The following NECAB1 variants were observed in gnomAD, a reference collection of about 807,000 sequenced individuals.
NECAB1 encodes the protein N-terminal EF-hand calcium binding protein 1, also known as N-terminal EF-hand calcium-binding protein 1.
Under a neutral mutation model 57.5 loss-of-function variants are expected in NECAB1, and 29 were observed. The ratio of observed to expected loss-of-function variants is 0.50; its 90% CI spans 0.38 to 0.69. The LOEUF (loss-of-function observed/expected upper bound fraction) is 0.69. Among genes scored for constraint, NECAB1 ranks in the 30% least tolerant of loss-of-function variants. The probability of loss-of-function intolerance (pLI) is 0.00; values close to 1 mark genes in which losing one functional copy is unlikely to be tolerated. For missense variants in NECAB1, 372 were observed against 413.8 expected, an observed-to-expected ratio of 0.90 and a Z score of 0.88; for synonymous variants, 142 against 147.7, an observed-to-expected ratio of 0.96 and a Z score of 0.28.
At chr8:90,870,673 G>C (rs375378677) in intron 3 of NECAB1, among the ~76,000 whole-genome samples, 2 of 151,996 alleles carry the variant, frequency 1.3e-5, no homozygotes, top group East Asian at 1.9e-4. Flanking sequence ...TATTTCCCTC[G>C]TAACAACTAT....
At chr8:90,855,568 T>C (rs1204736369) in intron 3 of NECAB1, among the ~76,000 whole-genome samples, 1 of 152,244 alleles carries the variant, frequency 6.6e-6, no homozygotes, top group African/African-American at 2.4e-5. Context: ...TAGTGAATTA[T>C]CCTTCCATCT....
At chr8:90,846,767 A>G (rs893883777) in intron 3 of NECAB1, among the ~76,000 whole-genome samples, 4 of 152,350 alleles carry the variant, frequency 2.6e-5, no homozygotes, top group East Asian at 3.9e-4. Context: ...AAGCATGTGC[A>G]GGGGAACTCC....
intron 3 of NECAB1, among the ~76,000 whole-genome samples, chr8:90,841,641 G>A (rs982932266): frequency 1.3e-5 from 2 of 152,094 alleles, no homozygotes; most frequent in African/African-American, 4.8e-5. Flanking sequence ...CTCCTCCTTA[G>A]GGTTTACTTC....
Position 90,872,115 on chromosome 8 carries a change from T to C in NECAB1, c.234-13T>C. ...AAGTAATAACACTGTTTTTTTTTGT[T>C]TCATCTTTTCAGTAATCTTGACACA... On this transcript the variant is annotated splice_polypyrimidine_tract_variant and intron_variant, in intron 3 of 12. Transcript: ENST00000417640. The C allele has an allele frequency of 6.5e-7, 1 of 1,543,790 alleles. No individual in the cohort carries two copies. The highest frequency in any genetic ancestry group is 1.2e-5 in the South Asian group (1 of 81,712).
intron 3 of NECAB1, among the ~76,000 whole-genome samples, chr8:90,836,586 T>G (rs921702701): frequency 6.6e-6 from 1 of 152,194 alleles, no homozygotes; most frequent in African/African-American, 2.4e-5. Context: ...CCATCCTCAT[T>G]GCTGTCAGAT....
In NECAB1 at chr8:90,804,361, G is replaced by A. The variant is rs78171080; in HGVS notation, c.124+2646G>A. On this transcript the variant is annotated intron_variant, in intron 2 of 12. Transcript: ENST00000417640. ...GGGGTAGAATGGTGGCTACAGAGGC[G>A]GGGGAGTGAAAGGAGTAGGGAGGTA... 1.3e-4 allele frequency among the ~76,000 whole-genome samples: 20 copies of A among 151,752 alleles called. No homozygotes were observed. The East Asian group carries it at 3.3e-3, about 25-fold the overall frequency.
chr8:90,809,838 G>A (rs924761828), intron 2 of NECAB1, among the ~76,000 whole-genome samples: 3 of 152,086 alleles, frequency 2.0e-5, no homozygotes, highest in East Asian at 1.9e-4. Context: ...ACTGAAAAAT[G>A]TAATAGCCTC....
intron 3 of NECAB1, among the ~76,000 whole-genome samples, chr8:90,871,885 T>G (rs141616458): frequency 5.3e-5 from 8 of 152,234 alleles, no homozygotes; most frequent in African/African-American, 1.9e-4. Context: ...TGCATTCTTT[T>G]CCCCATCATG....
Position 90,906,885 on chromosome 8 carries a change from A to ATGTG in NECAB1, c.358-10606_358-10605insGTGT, listed in dbSNP as rs1563528221. Among the ~76,000 whole-genome samples, 838 of 120,900 alleles carry ATGTG rather than the reference A, an allele frequency of 6.9e-3. 25 individuals carry two copies. The highest frequency in any genetic ancestry group is 0.027 in the African/African-American group (767 of 28,474). 79.3% of individuals were successfully genotyped at this position (120,900 alleles called of 152,430 possible). The stretch of plus-strand genomic sequence containing the variant: ...TTACATATGATATACACATATATAT[A>ATGTG]TATATATATATATATATATATATAT... On this transcript the variant is annotated intron_variant, in intron 5 of 12. Transcript: ENST00000417640.
chr8:90,806,856 A>T (rs1180309897), intron 2 of NECAB1: 1 of 152,188 alleles, frequency 6.6e-6, no homozygotes, highest in African/African-American at 2.4e-5. Context: ...AGCTATTTTT[A>T]TTATTTTCCC....
At chr8:90,870,629 A>C (rs776161244) in intron 3 of NECAB1, among the ~76,000 whole-genome samples, 32 of 152,340 alleles carry the variant, frequency 2.1e-4, no homozygotes, top group African/African-American at 7.7e-4. Context: ...TTTATCTTCT[A>C]TGATATATTT....
intron 3 of NECAB1, among the ~76,000 whole-genome samples, chr8:90,832,800 G>A (rs764697196): frequency 3.6e-4 from 54 of 152,056 alleles, no homozygotes; most frequent in Admixed American, 2.8e-3. Context: ...TAAGGGTCTG[G>A]GGTTTTCTCA....
intron 1 of NECAB1, among the ~76,000 whole-genome samples, chr8:90,799,376 C>A (rs887716342): frequency 6.6e-6 from 1 of 151,972 alleles, no homozygotes; most frequent in African/African-American, 2.4e-5. Context: ...TTCTCAAGGC[C>A]AATTTTTTCT....
At chr8:90,917,840 C>CTA (rs34288387) in intron 6 of NECAB1, among the ~76,000 whole-genome samples, 4,771 of 47,146 alleles carry the variant, frequency 0.1, 347 homozygotes, top group Non-Finnish European at 0.11. Flanking sequence ...ATTTAGTAAA[C>CTA]TATATATATA....
At chr8:90,929,974 A>G (rs1264593163) in intron 8 of NECAB1, among the ~76,000 whole-genome samples, 1 of 152,220 alleles carries the variant, frequency 6.6e-6, no homozygotes, top group African/African-American at 2.4e-5. Flanking sequence ...AGTCTAAGGA[A>G]TTTGGACTTG....
chr8:90,821,564 T>C (rs938067579), intron 2 of NECAB1, among the ~76,000 whole-genome samples: 1 of 151,828 alleles, frequency 6.6e-6, no homozygotes, highest in African/African-American at 2.4e-5. Context: ...CCTGGAGTAC[T>C]CTTTCTCTTT....
chr8:90,814,586 A>G (rs950772020), intron 2 of NECAB1, among the ~76,000 whole-genome samples: 5 of 152,184 alleles, frequency 3.3e-5, no homozygotes, highest in Non-Finnish European at 7.4e-5. Context: ...TTTATTGTAT[A>G]CTTTGGATTA....
intron 3 of NECAB1, among the ~76,000 whole-genome samples, chr8:90,870,463 AAAACT>A (rs1167177213): frequency 3.3e-5 from 5 of 152,212 alleles, no homozygotes; most frequent in Non-Finnish European, 7.3e-5. Flanking sequence ...TCTAACTAAA[AAAACT>A]ACTCGGTTTT....
At position 90,928,249 on chromosome 8, in the gene NECAB1, A is replaced by T; in HGVS notation, c.643A>T (p.Met215Leu). Residue 215 changes from methionine to leucine, a missense_variant, in exon 8 of 13, where the codon ATG (methionine) becomes TTG (leucine). Transcript: ENST00000417640. ...CTTATTAGAAGAAGACAACCAGTGG[A>T]TGACCCAGATAAATAGACTCCAGAA... Reference protein sequence around the residue: ...PGLLEEDNQWMTQINRLQKLI... With the variant: ...PGLLEEDNQWLTQINRLQKLI... The T allele has an allele frequency of 6.2e-7, 1 of 1,610,526 alleles. No individual in the cohort carries two copies. Among genetic ancestry groups the T allele is most frequent in the Non-Finnish European group, 8.5e-7 (1 of 1,178,370 alleles).
Sources: gnomAD v4.1 joint callset for allele counts (sites outside exome capture counted in the v4.1 genomes callset) on GRCh38, gnomAD v4.1.1 for gene constraint, MANE v1.5 for transcripts, NCBI Gene and HGNC (gene_info 2026-07-23, HGNC 2026-07-21) for gene names.